TENM3: variants seen among roughly 807,000 people sequenced by gnomAD.
TENM3 encodes teneurin-3.
In TENM3, 63 loss-of-function variants were observed where a neutral mutation model predicts 255.1. The ratio of observed to expected loss-of-function variants is 0.25; its 90% CI spans 0.20 to 0.30. The LOEUF (loss-of-function observed/expected upper bound fraction) is 0.30, where lower values mean the gene tolerates loss of function less well. TENM3 is among the 10% of genes least tolerant of loss of function. The probability of loss-of-function intolerance (pLI) is 1.00; values close to 1 mark genes in which losing one functional copy is unlikely to be tolerated. For synonymous variants in TENM3, 1,306 were observed against 1,322.3 expected (o/e 0.99, Z 0.27); for missense variants, 2,929 against 3,461.1 (o/e 0.85, Z 3.86).
At chr4:182,163,172 T>C (rs536903273) in intron 1 of TENM3, among the ~76,000 whole-genome samples, 1 of 152,230 alleles carries the variant, frequency 6.6e-6, no homozygotes, top group East Asian at 1.9e-4. Context: ...GGCAGTTTCC[T>C]CTCTAGGGCT....
intron 2 of TENM3, among the ~76,000 whole-genome samples, chr4:182,339,115 G>T (rs1193537954): frequency 6.6e-6 from 1 of 152,170 alleles, no homozygotes; most frequent in Non-Finnish European, 1.5e-5. Context: ...AAATACTGGT[G>T]CTGAGAAAGC....
chr4:181,879,233 T>C, the TENM3 span, among the ~76,000 whole-genome samples: 3 of 152,040 alleles, frequency 2.0e-5, no homozygotes, highest in African/African-American at 4.8e-5. Flanking sequence ...ATTTGTATAA[T>C]GAACTGCTGT....
intron 3 of TENM3, among the ~76,000 whole-genome samples, chr4:182,590,528 G>A (rs1332583312): frequency 9.2e-6 from 1 of 108,648 alleles, no homozygotes; most frequent in Non-Finnish European, 1.8e-5. Flanking sequence ...AATAGAGCGA[G>A]ACCCTGTCTC....
the TENM3 span, among the ~76,000 whole-genome samples, chr4:181,649,010 C>A: frequency 6.6e-6 from 1 of 152,156 alleles, no homozygotes; most frequent in Non-Finnish European, 1.5e-5. Flanking sequence ...GGTGCAGGTG[C>A]ACTTCAAAAA....
intron 3 of TENM3, among the ~76,000 whole-genome samples, chr4:182,512,639 G>T (rs1182439111): frequency 6.6e-6 from 1 of 152,130 alleles, no homozygotes; most frequent in Non-Finnish European, 1.5e-5. Context: ...GAAAAGTATT[G>T]TAATTGCTTT....
chr4:182,310,807 A>G (rs1035400564), intron 1 of TENM3, among the ~76,000 whole-genome samples: 1 of 152,028 alleles, frequency 6.6e-6, no homozygotes, highest in African/African-American at 2.4e-5. Flanking sequence ...CCTGGGTTCA[A>G]GCGATTCTCC....
intron 18 of TENM3, among the ~76,000 whole-genome samples, chr4:182,741,190 A>T (rs182543283): frequency 6.6e-6 from 1 of 152,348 alleles, no homozygotes; most frequent in Admixed American, 6.5e-5. Context: ...ATAAATAAAT[A>T]AAAGAAAATA....
At chr4:181,500,630 T>G in the TENM3 span, among the ~76,000 whole-genome samples, 1 of 152,158 alleles carries the variant, frequency 6.6e-6, no homozygotes, top group Non-Finnish European at 1.5e-5. Flanking sequence ...AATATAAAAT[T>G]GTCATCCCTC....
At chr4:181,498,673 G>T in the TENM3 span, among the ~76,000 whole-genome samples, 2 of 152,130 alleles carry the variant, frequency 1.3e-5, no homozygotes, top group Non-Finnish European at 2.9e-5. Context: ...ACCTCATACA[G>T]ATATGGCTCA....
chr4:182,437,658 C>T lies in TENM3; in HGVS notation c.511+90729C>T, dbSNP rs535744788. Among the ~76,000 whole-genome samples the T allele has an allele frequency of 3.9e-5, 6 of 152,114 alleles. No individual in the cohort carries two copies. The East Asian group carries it at 7.7e-4, about 20-fold the overall frequency. ...TAAAAACATAAAAAAGTTAGCCAGACGTGGTGGTAGGCGCTTGTAATCCCA... is the reference window on the plus strand; with the variant it reads ...TAAAAACATAAAAAAGTTAGCCAGATGTGGTGGTAGGCGCTTGTAATCCCA... On this transcript the variant is annotated intron_variant, in intron 3 of 27. Transcript: ENST00000511685.
At chr4:182,471,785 A>G (rs1253371976) in intron 3 of TENM3, among the ~76,000 whole-genome samples, 1 of 152,184 alleles carries the variant, frequency 6.6e-6, no homozygotes, top group Non-Finnish European at 1.5e-5. Flanking sequence ...ATTCCTTAGG[A>G]TAGCACAGTA....
At chr4:182,152,095 A>G (rs1750392694) in intron 1 of TENM3, among the ~76,000 whole-genome samples, 1 of 152,002 alleles carries the variant, frequency 6.6e-6, no homozygotes, top group Non-Finnish European at 1.5e-5. Flanking sequence ...AAATAATTAG[A>G]AAAGCTCTTG....
intron 24 of TENM3, among the ~76,000 whole-genome samples, chr4:182,781,938 T>C (rs1356600879): frequency 2.0e-5 from 3 of 149,492 alleles, no homozygotes; most frequent in African/African-American, 4.9e-5. Context: ...ATTAGATTCT[T>C]CTCTCTTTTT....
chr4:182,483,689 T>A (rs1476687040), intron 3 of TENM3, among the ~76,000 whole-genome samples: 1 of 152,114 alleles, frequency 6.6e-6, no homozygotes, highest in Non-Finnish European at 1.5e-5. Flanking sequence ...TACCTGATAC[T>A]GGTAGTTTTT....
chr4:182,731,016 G>A lies in TENM3; in HGVS notation c.2844G>A (p.Glu948=). The change falls in exon 16 of 28, where the codon GAG becomes GAA. Residue 948 remains glutamate, a synonymous_variant. Coordinates refer to ENST00000511685, the MANE Select transcript of TENM3 (RefSeq NM_001080477.4). The part of the protein sequence containing the change: ...VMDTLVMKKE[E]NDIPSCDLSG... ...ATACCCTAGTCATGAAGAAAGAAGA[G>A]AATGACATTCCCAGCTGTGATCTGA... 6.2e-7 allele frequency: 1 copy of A among 1,613,914 alleles called. No individual in the cohort carries two copies. Among genetic ancestry groups the A allele is most frequent in the Non-Finnish European group, 8.5e-7 (1 of 1,179,874 alleles).
In TENM3 at chr4:182,754,110, C is replaced by T. The variant is rs1027865168; in HGVS notation, c.4018-275C>T. On this transcript the variant is annotated intron_variant, in intron 21 of 27. Coordinates refer to ENST00000511685, the MANE Select transcript of TENM3 (RefSeq NM_001080477.4). This position sits in a 1 kb window ranked among gnomAD's most constrained non-coding sequence, Gnocchi z 5.1. ...AGGAACATGTGTGTTCATAGCTCAT[C>T]GATATCTGTTGACTCACTACGTAGA... is the stretch of plus-strand genomic sequence containing the variant. Among the ~76,000 whole-genome samples, 3 of 152,190 alleles carry T rather than the reference C, an allele frequency of 2.0e-5. No homozygotes were observed. The highest frequency in any genetic ancestry group is 2.1e-4 in the South Asian group (1 of 4,828).
the TENM3 span, among the ~76,000 whole-genome samples, chr4:181,503,648 C>T: frequency 3.9e-5 from 6 of 152,242 alleles, no homozygotes; most frequent in South Asian, 2.1e-4. Flanking sequence ...GGATGGGGAG[C>T]GTCTGGTGTT....
the TENM3 span, among the ~76,000 whole-genome samples, chr4:181,744,445 A>G: frequency 6.6e-6 from 1 of 152,122 alleles, no homozygotes; most frequent in African/African-American, 2.4e-5. Context: ...ACTCCCACCA[A>G]CAGTGTAAAA....
intron 1 of TENM3, among the ~76,000 whole-genome samples, chr4:182,226,246 A>T (rs1756147787): frequency 6.6e-6 from 1 of 152,144 alleles, no homozygotes. Context: ...GGAAAGAGAA[A>T]AAAAGAAGAG....
Sources: gnomAD v4.1 joint callset for allele counts (sites outside exome capture counted in the v4.1 genomes callset) on GRCh38, gnomAD v4.1.1 for gene constraint, Gnocchi (gnomAD v3.1) non-coding constraint, MANE v1.5 for transcripts, NCBI Gene and HGNC (gene_info 2026-07-23, HGNC 2026-07-21) for gene names.